AMZ1: variants seen among roughly 807,000 people sequenced by gnomAD.
AMZ1 encodes archaelysin family metallopeptidase 1, also known as archaemetzincin-1.
Under a neutral mutation model 29.9 loss-of-function variants are expected in AMZ1, and 39 were observed. That is an observed-to-expected ratio of 1.30 (90% CI 1.01 to 1.70). The LOEUF is 1.70. AMZ1 is among the 40% of genes most tolerant of loss of function. The pLI is 0.00. For missense variants in AMZ1, 1,041 were observed against 680.6 expected (o/e 1.53, Z -5.89); for synonymous variants, 458 against 304.0 (o/e 1.51, Z -5.27).
Position 2,694,171 on chromosome 7 carries a change from C to T in AMZ1, c.-219+5875C>T, listed in dbSNP as rs369602810. Among the ~76,000 whole-genome samples, 179 of 152,286 alleles carry T rather than the reference C, an allele frequency of 1.2e-3. 1 individual carries two copies. The highest frequency in any genetic ancestry group is 4.1e-3 in the African/African-American group (172 of 41,564). ...CAGTGGGTTCAGGAAGGTGGACTGC[C>T]CTCCCCAAGTGGCTGGGCACCTTCC... On this transcript the variant is annotated intron_variant, in intron 1 of 6. Coordinates refer to ENST00000683327, the MANE Select transcript of AMZ1 (RefSeq NM_001384743.1).
intron 1 of AMZ1, among the ~76,000 whole-genome samples, chr7:2,699,645 A>G (rs527249997): frequency 6.6e-6 from 1 of 151,944 alleles, no homozygotes; most frequent in East Asian, 1.9e-4. Flanking sequence ...TCCCTAGGTG[A>G]TAGGGGCTCT....
At chr7:2,723,380 C>T (rs1455213397), downstream of AMZ1, among the ~76,000 whole-genome samples, 1 of 152,242 alleles carries the variant, frequency 6.6e-6, no homozygotes, top group Non-Finnish European at 1.5e-5. Flanking sequence ...GTGTGATTTC[C>T]AGATGCAGGT....
At chr7:2,741,889 C>T (rs1412195371) in intron 4 of AMZ1, among the ~76,000 whole-genome samples, 4 of 150,652 alleles carry the variant, frequency 2.7e-5, no homozygotes, top group South Asian at 2.1e-4. Flanking sequence ...TATTAGACAC[C>T]GAGGTTTATC....
At position 2,730,393 on chromosome 7, in the gene AMZ1, G is replaced by A. The variant is rs41308317; in HGVS notation, n.550+20577G>A. 674 of 152,646 alleles carry A rather than the reference G, an allele frequency of 4.4e-3. 6 individuals are homozygous for A. The highest frequency in any genetic ancestry group is 0.038 in the East Asian group (203 of 5,324). 9.5% of individuals were successfully genotyped at this position (152,646 alleles called of 1,614,324 possible). On this transcript the variant is annotated intron_variant and non_coding_transcript_variant, in intron 4 of 4. Transcript: ENST00000489665. ...GTGCACGGACGGAGCGGCAGTCACCGTGGGCATCCTGTCTCACTCCGTGTT... is the reference window on the plus strand; with the variant it reads ...GTGCACGGACGGAGCGGCAGTCACCATGGGCATCCTGTCTCACTCCGTGTT...
chr7:2,699,397 G>A (rs1321550363), intron 1 of AMZ1, among the ~76,000 whole-genome samples: 2 of 152,164 alleles, frequency 1.3e-5, no homozygotes, highest in Non-Finnish European at 2.9e-5. Context: ...GAAATCCGCT[G>A]TTGCTTCTCC....
Position 2,708,598 on chromosome 7 carries a change from G to C in AMZ1, c.483G>C (p.Leu161=). 2 of 1,612,750 alleles carry C rather than the reference G, an allele frequency of 1.2e-6. No individual in the cohort carries two copies. Among genetic ancestry groups the C allele is most frequent in the Non-Finnish European group, 1.7e-6 (2 of 1,179,978 alleles). The change falls in exon 4 of 7, where the codon CTG becomes CTC. Residue 161 remains leucine, a synonymous_variant. Coordinates refer to ENST00000683327, the MANE Select transcript of AMZ1 (RefSeq NM_001384743.1). The stretch of plus-strand genomic sequence containing the variant: ...GCCCTCTCCCCGCAGACGGCATCCT[G>C]TCCTTCTTGAAGAACAACAAGCCAG... The part of the protein sequence containing the change: ...DRLQLHTDGI[L]SFLKNNKPGD...
chr7:2,750,986 A>G (rs1306937596), intron 4 of AMZ1, among the ~76,000 whole-genome samples: 6 of 152,206 alleles, frequency 3.9e-5, no homozygotes, highest in Non-Finnish European at 8.8e-5. Context: ...AGAATTCACA[A>G]TGTACATCAG....
intron 4 of AMZ1, among the ~76,000 whole-genome samples, chr7:2,725,349 G>T (rs1038976608): frequency 5.3e-5 from 8 of 152,242 alleles, no homozygotes; most frequent in African/African-American, 1.9e-4. Context: ...ACACAGCTGC[G>T]CGAGGGGAAG....
At chr7:2,741,681 C>T (rs541197466) in intron 4 of AMZ1, among the ~76,000 whole-genome samples, 2 of 152,012 alleles carry the variant, frequency 1.3e-5, no homozygotes, top group South Asian at 2.1e-4. Context: ...ATCCTTCGCT[C>T]GCTCTCTTTC....
chr7:2,747,747 G>A (rs913481718), intron 4 of AMZ1, among the ~76,000 whole-genome samples: 4 of 152,184 alleles, frequency 2.6e-5, no homozygotes, highest in South Asian at 2.1e-4. Context: ...GTTTGCAGAC[G>A]ACATGATTGT....
Position 2,718,824 on chromosome 7 carries a change from G to T in AMZ1, c.*5946G>T, listed in dbSNP as rs1440694852. On this transcript the variant is annotated 3_prime_UTR_variant, in exon 7 of 7. Coordinates refer to ENST00000683327, the MANE Select transcript of AMZ1 (RefSeq NM_001384743.1). ...TCCTCTCCCTGTGCTCTGCCCACCT[G>T]GGGTAGGCCTCTGGGAACAGGGGAG... Among the ~76,000 whole-genome samples, 1 of 152,190 alleles carries T rather than the reference G, an allele frequency of 6.6e-6. No homozygotes were observed. Among genetic ancestry groups the T allele is most frequent in the African/African-American group, 2.4e-5 (1 of 41,442 alleles).
downstream of AMZ1, among the ~76,000 whole-genome samples, chr7:2,721,029 C>T (rs1261449065): frequency 2.0e-5 from 3 of 152,182 alleles, no homozygotes; most frequent in Admixed American, 6.5e-5. Flanking sequence ...TGTGACCCTG[C>T]GGGCTGTCAT....
chr7:2,699,753 G>A (rs1300378750), intron 1 of AMZ1, among the ~76,000 whole-genome samples: 4 of 152,192 alleles, frequency 2.6e-5, no homozygotes, highest in Admixed American at 2.0e-4. Context: ...TGATCATGCC[G>A]TGGAGAGGAG....
At position 2,715,843 on chromosome 7, in the gene AMZ1, T is replaced by G. The variant is rs1714474638; in HGVS notation, c.*2965T>G. On this transcript the variant is annotated 3_prime_UTR_variant, in exon 7 of 7. Transcript: ENST00000683327. Reference sequence around the variant, plus strand: ...TCACAGCTCACGAATCTTTCTAAACTTAAGTGCTGCAGAAGTTGAACTGAG... The same window carrying G: ...TCACAGCTCACGAATCTTTCTAAACGTAAGTGCTGCAGAAGTTGAACTGAG... The G allele has an allele frequency of 2.0e-5, 3 of 152,196 alleles. No individual in the cohort carries two copies. Among genetic ancestry groups the G allele is most frequent in the Admixed American group, 6.5e-5 (1 of 15,276 alleles). 9.4% of individuals were successfully genotyped at this position (152,196 alleles called of 1,614,324 possible).
upstream of AMZ1, among the ~76,000 whole-genome samples, chr7:2,761,126 C>G (rs1356722608): frequency 6.6e-6 from 1 of 152,236 alleles, no homozygotes; most frequent in Non-Finnish European, 1.5e-5. Context: ...TGTGGGGCTC[C>G]TCTTAGAGTT....
intron 4 of AMZ1, among the ~76,000 whole-genome samples, 158 bp from the exon 5 acceptor site, chr7:2,708,917 C>G (rs371176666): frequency 6.6e-6 from 1 of 152,218 alleles, no homozygotes; most frequent in Non-Finnish European, 1.5e-5. Flanking sequence ...GGCGTCTGCC[C>G]CAGGGCCCAA....
intron 4 of AMZ1, among the ~76,000 whole-genome samples, chr7:2,744,113 A>T (rs1436311287): frequency 3.3e-5 from 5 of 152,198 alleles, no homozygotes; most frequent in African/African-American, 1.2e-4. Context: ...GACAAACAAA[A>T]AGACAGCAGT....
At chr7:2,763,716 G>C (rs1415436802), upstream of AMZ1, among the ~76,000 whole-genome samples, 1 of 152,218 alleles carries the variant, frequency 6.6e-6, no homozygotes, top group Non-Finnish European at 1.5e-5. Context: ...GGAAACCAAA[G>C]CTTCTTCTAA....
chr7:2,706,312 A>T (rs1034411207), intron 3 of AMZ1, among the ~76,000 whole-genome samples: 3 of 152,204 alleles, frequency 2.0e-5, no homozygotes, highest in African/African-American at 7.2e-5. Flanking sequence ...GACCGCAGAC[A>T]CGTGCCATCA....
Sources: allele counts gnomAD v4.1 joint callset (sites outside exome capture counted in the v4.1 genomes callset), GRCh38; gene constraint gnomAD v4.1.1; transcripts MANE v1.5; gene names NCBI Gene and HGNC (gene_info 2026-07-23, HGNC 2026-07-21).